RBM18: variants seen among roughly 807,000 people sequenced by gnomAD.
RBM18 encodes RNA binding motif protein 18, also known as probable RNA-binding protein 18.
In RBM18, 18 loss-of-function variants were observed where a neutral mutation model predicts 26.4. That is an observed-to-expected ratio of 0.68 (90% CI 0.47 to 1.01). The LOEUF (loss-of-function observed/expected upper bound fraction) is 1.01, where lower values mean the gene tolerates loss of function less well. Ranked by LOEUF, RBM18 falls within the 50% of genes least tolerant of loss-of-function variation. The pLI, the probability that RBM18 is intolerant of heterozygous loss-of-function variation, is 0.00. For synonymous variants in RBM18, 74 were observed against 81.1 expected, an observed-to-expected ratio of 0.91 and a Z score of 0.47; for missense variants, 180 against 219.2, an observed-to-expected ratio of 0.82 and a Z score of 1.13.
rs1053616037 is a variant in RBM18, at chr9:122,239,524, A to G, written c.*2360T>C. The G allele has an allele frequency of 1.3e-5, 2 of 152,264 alleles. No homozygotes were observed. The highest frequency in any genetic ancestry group is 6.5e-5 in the Admixed American group (1 of 15,286). 9.4% of individuals were successfully genotyped at this position (152,264 alleles called of 1,614,324 possible). On this transcript the variant is annotated 3_prime_UTR_variant, in exon 6 of 6. Transcript: ENST00000417201. ...TCACTCTTGTATATAAATCAAAATT[A>G]TAAGTGACATAATTTTAGCAAACCA...
rs756154893 is a variant in RBM18 at position 122,260,616 on chromosome 9, A to G, written c.113+764T>C. 7.9e-5 allele frequency among the ~76,000 whole-genome samples: 12 copies of G among 152,146 alleles called. 1 individual carries two copies. Among genetic ancestry groups the G allele is most frequent in the Non-Finnish European group, 1.5e-4 (10 of 68,034 alleles). On this transcript the variant is annotated intron_variant, in intron 2 of 5. Transcript: ENST00000417201. ...TGTCTTTCGGGACTTGGTTTCCTCT[A>G]TGTAGGATAAAAAAGCTGGGTCCCA...
intron 1 of RBM18, among the ~76,000 whole-genome samples, chr9:122,263,684 G>A (rs368581209): frequency 6.6e-6 from 1 of 152,252 alleles, no homozygotes; most frequent in Non-Finnish European, 1.5e-5. Flanking sequence ...TATAGATTGA[G>A]TGGAGGGAAG....
intron 2 of RBM18, among the ~76,000 whole-genome samples, chr9:122,258,945 A>G (rs1041410991): frequency 3.3e-5 from 5 of 151,772 alleles, no homozygotes; most frequent in African/African-American, 4.8e-5. Flanking sequence ...AGAAAAAAGA[A>G]TCTATAGGAA....
chr9:122,251,868 A>G lies in RBM18; in HGVS notation c.219T>C (p.Phe73=), dbSNP rs1387944736. Residue 73 remains phenylalanine, a synonymous_variant, in exon 3 of 6, where the codon TTT becomes TTC. Transcript: ENST00000417201. ...ALEGQPRGYC[F]VNFETKQEAE... is the part of the protein sequence containing the mutation. ...TTACCTGCTTAGTTTCAAAGTTAACAAAACAGTAGCCTCGAGGCTGTCCCT... is the reference window on the plus strand; with the variant it reads ...TTACCTGCTTAGTTTCAAAGTTAACGAAACAGTAGCCTCGAGGCTGTCCCT... The G allele has an allele frequency of 3.1e-6, 5 of 1,613,998 alleles. No individual in the cohort carries two copies. Among genetic ancestry groups the G allele is most frequent in the African/African-American group, 1.3e-5 (1 of 74,916 alleles).
intron 2 of RBM18, among the ~76,000 whole-genome samples, chr9:122,254,528 T>C (rs1831658319): frequency 6.6e-6 from 1 of 152,204 alleles, no homozygotes; most frequent in Non-Finnish European, 1.5e-5. Flanking sequence ...AGAGGCTTGC[T>C]TCACTTAATG....
intron 2 of RBM18, among the ~76,000 whole-genome samples, chr9:122,252,963 G>A (rs1298336182): frequency 6.6e-6 from 1 of 152,156 alleles, no homozygotes; most frequent in African/African-American, 2.4e-5. Context: ...GTGGGGGTGA[G>A]ACAAACCAAC....
At chr9:122,260,489 T>C (rs541434203) in intron 2 of RBM18, among the ~76,000 whole-genome samples, 21 of 152,330 alleles carry the variant, frequency 1.4e-4, no homozygotes, top group African/African-American at 4.8e-4. Context: ...ACCTCTCAAT[T>C]TTCTCAGCTA....
chr9:122,254,084 A>T (rs561863443), intron 2 of RBM18, among the ~76,000 whole-genome samples: 1 of 151,936 alleles, frequency 6.6e-6, no homozygotes, highest in Admixed American at 6.6e-5. Context: ...AAAACAAAAA[A>T]GACAATCTAA....
chr9:122,255,836 T>C (rs1831685805), intron 2 of RBM18, among the ~76,000 whole-genome samples: 1 of 152,198 alleles, frequency 6.6e-6, no homozygotes, highest in East Asian at 1.9e-4. Context: ...TGAGACCTCG[T>C]CTCTACAAAA....
At chr9:122,263,444 A>T (rs978129851) in intron 1 of RBM18, among the ~76,000 whole-genome samples, 1 of 152,210 alleles carries the variant, frequency 6.6e-6, no homozygotes, top group Non-Finnish European at 1.5e-5. Flanking sequence ...CTTTCCCCCT[A>T]CTTTTTAAAC....
chr9:122,240,413 C>G lies in RBM18; in HGVS notation c.*1471G>C, dbSNP rs1165145371. The G allele has an allele frequency of 2.0e-5, 3 of 152,132 alleles. No individual in the cohort carries two copies. The highest frequency in any genetic ancestry group is 4.4e-5 in the Non-Finnish European group (3 of 68,006). 9.4% of individuals were successfully genotyped at this position (152,132 alleles called of 1,614,324 possible). A position where few individuals can be genotyped will look rare whatever the true frequency, so the allele number is the denominator to read the frequency against. On this transcript the variant is annotated 3_prime_UTR_variant, in exon 6 of 6. Coordinates refer to ENST00000417201, the MANE Select transcript of RBM18 (RefSeq NM_033117.4). ...AAAAGTAAAAAGAATTTCCTTAAAC[C>G]AGTTTTATGAATTCTAAAACCTCCC...
intron 5 of RBM18, 24 bp from the exon 6 acceptor site, chr9:122,242,067 CAG>C: frequency 6.2e-7 from 1 of 1,612,624 alleles, no homozygotes; most frequent in Non-Finnish European, 8.5e-7. Context: ...AGCAGAGGAT[CAG>C]AGTGGGCCTA....
At chr9:122,242,400 T>C (rs912256840) in intron 5 of RBM18, among the ~76,000 whole-genome samples, 4 of 152,240 alleles carry the variant, frequency 2.6e-5, no homozygotes, top group African/African-American at 9.6e-5. Context: ...AGATAGGTTA[T>C]ATTCCTTATT....
At chr9:122,243,535 C>T (rs915857965) in intron 5 of RBM18, among the ~76,000 whole-genome samples, 1 of 152,140 alleles carries the variant, frequency 6.6e-6, no homozygotes, top group African/African-American at 2.4e-5. Context: ...TCATTGCTAT[C>T]CCTGGATCAG....
chr9:122,252,912 T>C (rs1249299422), intron 2 of RBM18, among the ~76,000 whole-genome samples: 1 of 152,210 alleles, frequency 6.6e-6, no homozygotes, highest in Non-Finnish European at 1.5e-5. Flanking sequence ...CCTTAACAGG[T>C]TGCTGCGGCC....
At chr9:122,243,456 A>C (rs1446529086) in intron 5 of RBM18, among the ~76,000 whole-genome samples, 2 of 152,228 alleles carry the variant, frequency 1.3e-5, no homozygotes, top group Non-Finnish European at 2.9e-5. Context: ...AGAGCTGAAT[A>C]GTCCTATATT....
rs1278293159 is a variant in RBM18, at chr9:122,245,160, A to C, written c.413+96T>G. The C allele has an allele frequency of 1.2e-5, 9 of 734,458 alleles. No homozygotes were observed. In the Admixed American group the frequency reaches 2.0e-4, roughly 16 times the overall value. The allele number at this position is 734,458 out of a possible 1,614,324, so 45.5% of individuals were successfully genotyped here. A position where few individuals can be genotyped will look rare whatever the true frequency, so the allele number is the denominator to read the frequency against. ...TCTTGTCAAGTTAATAAATTCTAAG[A>C]GTCTGAAGACTCACTATTTTATGAA... On this transcript the variant is annotated intron_variant, in intron 5 of 5. Transcript: ENST00000417201.
chr9:122,262,482 C>CAAGGAG lies in RBM18; in HGVS notation c.-16-980_-16-975dup, dbSNP rs529590509. Among the ~76,000 whole-genome samples the CAAGGAG allele has an allele frequency of 7.9e-5, 12 of 152,248 alleles. No individual in the cohort carries two copies. In the East Asian group the frequency reaches 1.4e-3, roughly 17 times the overall value. On this transcript the variant is annotated intron_variant, in intron 1 of 5. Transcript: ENST00000417201. Reference sequence around the variant, plus strand: ...TTCCTGAAATGTCTCATCTCACAGCCAAGGAGAAAAGAGGATTATGATTAT... The same window carrying CAAGGAG: ...TTCCTGAAATGTCTCATCTCACAGCCAAGGAGAAGGAGAAAAGAGGATTATGATTAT...
chr9:122,252,083 G>T, intron 2 of RBM18, 110 bp from the exon 3 acceptor site: 1 of 1,412,866 alleles, frequency 7.1e-7, no homozygotes, highest in Non-Finnish European at 9.7e-7. Flanking sequence ...GAAATCTCTC[G>T]CCCCAGCCCC....
Sources: allele counts gnomAD v4.1 joint callset (sites outside exome capture counted in the v4.1 genomes callset), GRCh38; gene constraint gnomAD v4.1.1; transcripts MANE v1.5; gene names NCBI Gene and HGNC (gene_info 2026-07-23, HGNC 2026-07-21).